The following PDE8B variants were observed in gnomAD, a reference collection of about 807,000 sequenced individuals.
The protein encoded by PDE8B is high affinity cAMP-specific and IBMX-insensitive 3',5'-cyclic phosphodiesterase 8B.
Under a neutral mutation model 101.3 loss-of-function variants are expected in PDE8B, and 26 were observed. That is an observed-to-expected ratio of 0.26 (90% CI 0.19 to 0.36). PDE8B has a LOEUF of 0.36. Ranked by LOEUF, PDE8B falls within the 10% of genes least tolerant of loss-of-function variation. The pLI is 1.00. For missense variants in PDE8B, 810 were observed against 1,163.1 expected, an observed-to-expected ratio of 0.70 and a Z score of 4.42; for synonymous variants, 424 against 429.3, an observed-to-expected ratio of 0.99 and a Z score of 0.15.
intron 1 of PDE8B, chr5:77,290,701 G>T (rs1767103964): frequency 6.6e-7 from 1 of 1,505,124 alleles, no homozygotes; most frequent in Admixed American, 1.7e-5. Flanking sequence ...CCTTCTGAAA[G>T]ACCTGGCCAT....
chr5:77,300,880 G>C (rs1359670004), intron 1 of PDE8B, among the ~76,000 whole-genome samples: 1 of 152,194 alleles, frequency 6.6e-6, no homozygotes, highest in Non-Finnish European at 1.5e-5. Flanking sequence ...GATTGTTCTT[G>C]CCACATAAGT....
intron 1 of PDE8B, among the ~76,000 whole-genome samples, chr5:77,280,576 T>C (rs372116285): frequency 1.7e-4 from 26 of 152,220 alleles, no homozygotes; most frequent in African/African-American, 7.2e-5. Context: ...TCAGTTTTTT[T>C]CCTAATCTCT....
intron 7 of PDE8B, among the ~76,000 whole-genome samples, chr5:77,345,196 T>G (rs1054189157): frequency 1.3e-5 from 2 of 152,216 alleles, no homozygotes; most frequent in Non-Finnish European, 2.9e-5. Context: ...TGAGACAGAT[T>G]GTCACTCTGT....
At chr5:77,183,379 A>T in the PDE8B span, among the ~76,000 whole-genome samples, 1 of 152,024 alleles carries the variant, frequency 6.6e-6, no homozygotes. Context: ...CGGCCTCCCA[A>T]AGTGCTGGGA....
chr5:77,255,248 G>T (rs1025703674), intron 1 of PDE8B, among the ~76,000 whole-genome samples: 25 of 152,070 alleles, frequency 1.6e-4, no homozygotes, highest in Non-Finnish European at 5.9e-5. Context: ...TTCTGGAAAG[G>T]TTTCTGCTGC....
chr5:77,291,046 A>G (rs1230834438), intron 1 of PDE8B: 2 of 1,611,746 alleles, frequency 1.2e-6, no homozygotes, highest in Non-Finnish European at 1.7e-6. Context: ...ATGGTGCAGG[A>G]GAGGTTTGGG....
At chr5:77,217,104 C>T (rs1368626361) in intron 1 of PDE8B, among the ~76,000 whole-genome samples, 3 of 152,264 alleles carry the variant, frequency 2.0e-5, no homozygotes, top group East Asian at 1.9e-4. Flanking sequence ...TTGGAGACCT[C>T]GAACTTATTG....
intron 4 of PDE8B, among the ~76,000 whole-genome samples, chr5:77,329,338 A>G (rs938947002): frequency 6.6e-6 from 1 of 152,192 alleles, no homozygotes; most frequent in African/African-American, 2.4e-5. Flanking sequence ...GGAAAATTTG[A>G]GGAGGAGGTG....
At chr5:77,267,972 C>T (rs1206953112) in intron 1 of PDE8B, among the ~76,000 whole-genome samples, 1 of 151,886 alleles carries the variant, frequency 6.6e-6, no homozygotes, top group Non-Finnish European at 1.5e-5. Context: ...GAAGAGATTT[C>T]CTTACAGAAC....
At chr5:77,333,792 A>G (rs947774148) in intron 5 of PDE8B, among the ~76,000 whole-genome samples, 9 of 152,172 alleles carry the variant, frequency 5.9e-5, no homozygotes, top group East Asian at 1.9e-4. Flanking sequence ...ACATTTTACA[A>G]CCTGTCCATG....
chr5:77,145,479 G>A, the PDE8B span: 1 of 152,216 alleles, frequency 6.6e-6, no homozygotes, highest in South Asian at 2.1e-4. Flanking sequence ...ACAAGCTTTT[G>A]TTAAAATCTC....
At chr5:77,263,631 C>T (rs549637198) in intron 1 of PDE8B, among the ~76,000 whole-genome samples, 4 of 152,230 alleles carry the variant, frequency 2.6e-5, no homozygotes, top group South Asian at 2.1e-4. Context: ...AGGTTAAAGA[C>T]GTCTTATCAG....
At chr5:77,114,202 A>G in the PDE8B span, 1 of 152,212 alleles carries the variant, frequency 6.6e-6, no homozygotes, top group African/African-American at 2.4e-5. Context: ...CTATGAAGAC[A>G]CATGCACACA....
At chr5:77,329,718 G>A (rs544861631) in intron 4 of PDE8B, among the ~76,000 whole-genome samples, 1 of 152,336 alleles carries the variant, frequency 6.6e-6, no homozygotes, top group East Asian at 1.9e-4. Context: ...AGAAATCTTG[G>A]CAGGTAACAA....
At chr5:77,114,313 A>G in the PDE8B span, 1 of 152,250 alleles carries the variant, frequency 6.6e-6, no homozygotes. Flanking sequence ...CATATACACC[A>G]TGGAATACTA....
chr5:77,347,324 G>A (rs1450051122), intron 7 of PDE8B, among the ~76,000 whole-genome samples: 1 of 152,158 alleles, frequency 6.6e-6, no homozygotes, highest in African/African-American at 2.4e-5. Flanking sequence ...GCTGGTAATT[G>A]GCAGAGCCAG....
chr5:77,191,168 C>T, the PDE8B span, among the ~76,000 whole-genome samples: 19 of 152,212 alleles, frequency 1.2e-4, no homozygotes, highest in South Asian at 3.5e-3. Flanking sequence ...ATTAGGGTCC[C>T]ACCTTTATCC....
At chr5:77,121,269 G>T in the PDE8B span, among the ~76,000 whole-genome samples, 1 of 152,156 alleles carries the variant, frequency 6.6e-6, no homozygotes, top group Non-Finnish European at 1.5e-5. Context: ...GCATTACATG[G>T]CCCTTGGCAG....
the PDE8B span, among the ~76,000 whole-genome samples, chr5:77,182,731 C>T: frequency 4.7e-5 from 7 of 149,786 alleles, no homozygotes; most frequent in Non-Finnish European, 8.9e-5. Context: ...TGCCTAATTG[C>T]CAGAGCTTAT....
Sources: allele counts gnomAD v4.1 joint callset (sites outside exome capture counted in the v4.1 genomes callset), GRCh38; gene constraint gnomAD v4.1.1; transcripts MANE v1.5; gene names NCBI Gene and HGNC (gene_info 2026-07-23, HGNC 2026-07-21).